LOC128092252: variants seen among roughly 807,000 people sequenced by gnomAD.
At chr15:50,682,456 T>C in the LOC128092252 span, among the ~76,000 whole-genome samples, 6 of 151,590 alleles carry the variant, frequency 4.0e-5, no homozygotes, top group Non-Finnish European at 7.4e-5. Context: ...TGTGTGCCTG[T>C]AATCCCAGCT....
At chr15:50,663,073 T>A in the LOC128092252 span, 1 of 1,555,986 alleles carries the variant, frequency 6.4e-7, no homozygotes, top group South Asian at 1.1e-5. Context: ...TAAAGAATTG[T>A]TTATAAGTTA....
At chr15:50,660,697 G>T in the LOC128092252 span, among the ~76,000 whole-genome samples, 96 of 152,256 alleles carry the variant, frequency 6.3e-4, no homozygotes, top group East Asian at 0.013. Context: ...TTTCTTGATG[G>T]TGATGGAAAA....
the LOC128092252 span, chr15:50,657,710 A>T: frequency 2.2e-6 from 3 of 1,358,892 alleles, no homozygotes; most frequent in Non-Finnish European, 3.1e-6. Flanking sequence ...ACTGTGTTCT[A>T]ACTCATATTT....
the LOC128092252 span, among the ~76,000 whole-genome samples, chr15:50,656,250 C>G: frequency 6.6e-6 from 1 of 151,984 alleles, no homozygotes; most frequent in Admixed American, 6.6e-5. Context: ...ATGAAAAGGA[C>G]TGGAGATGGT....
chr15:50,662,565 T>A, the LOC128092252 span, among the ~76,000 whole-genome samples: 2 of 152,200 alleles, frequency 1.3e-5, no homozygotes, highest in South Asian at 4.1e-4. Context: ...TAGGTTCATA[T>A]TGCTTTCTTC....
the LOC128092252 span, among the ~76,000 whole-genome samples, chr15:50,673,025 A>C: frequency 1.3e-5 from 2 of 151,506 alleles, no homozygotes; most frequent in Non-Finnish European, 2.9e-5. Context: ...TAAAATGTTT[A>C]CAAATCTGTT....
the LOC128092252 span, chr15:50,686,517 C>T: frequency 6.2e-7 from 1 of 1,613,790 alleles, no homozygotes; most frequent in Non-Finnish European, 8.5e-7. Context: ...CCCGGGCCTG[C>T]GTGGGTCCAG....
At chr15:50,649,643 G>C in the LOC128092252 span, among the ~76,000 whole-genome samples, 1 of 152,114 alleles carries the variant, frequency 6.6e-6, no homozygotes, top group Admixed American at 6.6e-5. Flanking sequence ...AGTGACAAAA[G>C]GGTGATCAAT....
the LOC128092252 span, among the ~76,000 whole-genome samples, chr15:50,676,675 G>A: frequency 6.6e-6 from 1 of 152,082 alleles, no homozygotes; most frequent in African/African-American, 2.4e-5. Context: ...TATTGAGTGA[G>A]TTTCCCAATT....
the LOC128092252 span, among the ~76,000 whole-genome samples, chr15:50,677,753 A>AG: frequency 6.7e-6 from 1 of 150,158 alleles, no homozygotes; most frequent in East Asian, 2.0e-4. Flanking sequence ...AAAAAAAAAA[A>AG]AAAAAAACAA....
the LOC128092252 span, among the ~76,000 whole-genome samples, chr15:50,663,434 C>T: frequency 6.6e-6 from 1 of 152,056 alleles, no homozygotes; most frequent in African/African-American, 2.4e-5. Flanking sequence ...CCCATAAACA[C>T]TTCTATACTA....
At chr15:50,660,789 A>G in the LOC128092252 span, among the ~76,000 whole-genome samples, 1 of 152,232 alleles carries the variant, frequency 6.6e-6, no homozygotes, top group Non-Finnish European at 1.5e-5. Flanking sequence ...ATACTTTTCA[A>G]AAGATTCTGG....
the LOC128092252 span, among the ~76,000 whole-genome samples, chr15:50,653,145 C>T: frequency 6.6e-6 from 1 of 152,044 alleles, no homozygotes; most frequent in Non-Finnish European, 1.5e-5. Flanking sequence ...CCCTGTTTCC[C>T]CACTCCCCCC....
At chr15:50,671,176 G>A in the LOC128092252 span, among the ~76,000 whole-genome samples, 7 of 151,940 alleles carry the variant, frequency 4.6e-5, no homozygotes, top group African/African-American at 1.7e-4. Context: ...CTGAAATTTT[G>A]CATCCTTTGA....
At chr15:50,662,290 G>T in the LOC128092252 span, among the ~76,000 whole-genome samples, 12 of 149,086 alleles carry the variant, frequency 8.0e-5, no homozygotes, top group African/African-American at 2.7e-4. Context: ...GAGGGAGCTT[G>T]TACTCCAGCC....
At chr15:50,679,514 AT>A in the LOC128092252 span, among the ~76,000 whole-genome samples, 31,382 of 89,076 alleles carry the variant, frequency 0.35, 5,273 homozygotes, top group East Asian at 0.48. Context: ...TATATATAAT[AT>A]ATATATATAT....
the LOC128092252 span, among the ~76,000 whole-genome samples, chr15:50,680,682 G>A: frequency 9.2e-5 from 14 of 151,902 alleles, no homozygotes; most frequent in African/African-American, 3.4e-4. Flanking sequence ...ATCATTTGAA[G>A]AAAATCAAGT....
the LOC128092252 span, among the ~76,000 whole-genome samples, chr15:50,661,928 G>T: frequency 2.0e-5 from 3 of 152,230 alleles, no homozygotes; most frequent in South Asian, 6.2e-4. Flanking sequence ...TCAGAAAAAA[G>T]AAAAATTTGC....
At chr15:50,670,765 T>C in the LOC128092252 span, among the ~76,000 whole-genome samples, 2 of 151,466 alleles carry the variant, frequency 1.3e-5, no homozygotes, top group Non-Finnish European at 2.9e-5. Context: ...GTTTATTTAC[T>C]TTCCTAATAA....
Sources: gnomAD v4.1 joint callset for allele counts (sites outside exome capture counted in the v4.1 genomes callset) on GRCh38, gnomAD v4.1.1 for gene constraint, MANE v1.5 for transcripts.